NRG3: variants seen among roughly 807,000 people sequenced by gnomAD.
NRG3 encodes pro-neuregulin-3, membrane-bound isoform.
NRG3 carries 31 observed loss-of-function variants against 66.9 expected under a neutral mutation model. That is an observed-to-expected ratio of 0.46 (90% CI 0.35 to 0.63). NRG3 has a LOEUF of 0.63. Ranked by LOEUF, NRG3 falls within the 20% of genes least tolerant of loss-of-function variation. The pLI is 0.00. For missense variants in NRG3, 910 were observed against 878.9 expected, an observed-to-expected ratio of 1.04 and a Z score of -0.45; for synonymous variants, 393 against 359.4, an observed-to-expected ratio of 1.09 and a Z score of -1.06.
At chr10:82,438,213 G>C (rs2090246403) in intron 2 of NRG3, among the ~76,000 whole-genome samples, 1 of 152,218 alleles carries the variant, frequency 6.6e-6, no homozygotes, top group Admixed American at 6.5e-5. Flanking sequence ...CTCAGGCCCA[G>C]GGAGATCCAA....
At chr10:82,227,204 C>A (rs2076209292) in intron 1 of NRG3, among the ~76,000 whole-genome samples, 1 of 152,114 alleles carries the variant, frequency 6.6e-6, no homozygotes, top group African/African-American at 2.4e-5. Context: ...AGGAGCGCTT[C>A]AGTTCATCAT....
intron 2 of NRG3, among the ~76,000 whole-genome samples, chr10:82,688,762 T>C (rs754090983): frequency 3.5e-5 from 5 of 144,074 alleles, no homozygotes; most frequent in Non-Finnish European, 6.2e-5. Context: ...TCCATAGGTC[T>C]TTTTTAGAAA....
intron 7 of NRG3, among the ~76,000 whole-genome samples, chr10:82,976,934 C>T (rs1852318268): frequency 6.6e-6 from 1 of 152,142 alleles, no homozygotes; most frequent in African/African-American, 2.4e-5. Context: ...CCATAGTAGT[C>T]CTGGGGCACA....
intron 1 of NRG3, among the ~76,000 whole-genome samples, chr10:82,226,189 C>T (rs1028200450): frequency 6.6e-6 from 1 of 152,138 alleles, no homozygotes; most frequent in East Asian, 1.9e-4. Flanking sequence ...GCAATTACTC[C>T]TGGGATACTA....
chr10:82,985,035 T>G (rs1853313802), intron 8 of NRG3, 63 bp from the exon 9 acceptor site: 1 of 1,560,798 alleles, frequency 6.4e-7, no homozygotes, highest in African/African-American at 1.4e-5. Context: ...CTTTGTGGAT[T>G]GAGTATTGCT....
At chr10:82,726,597 A>G (rs2057615309) in intron 2 of NRG3, among the ~76,000 whole-genome samples, 1 of 152,132 alleles carries the variant, frequency 6.6e-6, no homozygotes. Context: ...GCCATGTGGA[A>G]CTGTAAGTCC....
chr10:82,135,363 T>C (rs148815931), intron 1 of NRG3, among the ~76,000 whole-genome samples: 1 of 152,256 alleles, frequency 6.6e-6, no homozygotes. Flanking sequence ...CTTTCTTTAA[T>C]TGACTATTGA....
At chr10:82,489,879 G>A (rs764641367) in intron 2 of NRG3, among the ~76,000 whole-genome samples, 26 of 152,100 alleles carry the variant, frequency 1.7e-4, no homozygotes, top group Non-Finnish European at 2.6e-4. Flanking sequence ...AAGATACTAC[G>A]ATATAAACCC....
intron 2 of NRG3, among the ~76,000 whole-genome samples, chr10:82,586,433 G>A (rs558677983): frequency 1.2e-4 from 18 of 152,058 alleles, no homozygotes; most frequent in Non-Finnish European, 2.2e-4. Context: ...CAGCAGGATT[G>A]GACAGCATGG....
At position 81,875,288 on chromosome 10, in the gene NRG3, C is replaced by T; in HGVS notation, c.-53C>T. 1 of 980,116 alleles carries T rather than the reference C, an allele frequency of 1.0e-6. No homozygotes were observed. Among genetic ancestry groups the T allele is most frequent in the Non-Finnish European group, 1.2e-6 (1 of 827,388 alleles). The allele number at this position is 980,116 out of a possible 1,614,324, so 60.7% of individuals were successfully genotyped here. ...GCGCCCGCGCCCGGCCCGCGCGGCC[C>T]CATGCCTCTGCCGCGGCCCTCGGGG... On this transcript the variant is annotated 5_prime_UTR_variant, in exon 1 of 9. Transcript: ENST00000372141. The surrounding 1 kb of genome is among the most constrained non-coding windows in gnomAD (Gnocchi z 5.3).
At chr10:82,802,970 G>T (rs2061112530) in intron 3 of NRG3, among the ~76,000 whole-genome samples, 1 of 152,144 alleles carries the variant, frequency 6.6e-6, no homozygotes, top group African/African-American at 2.4e-5. Flanking sequence ...ATCGCACCCA[G>T]CCTCCCTAGG....
Position 81,899,793 on chromosome 10 carries a change from G to C in NRG3, c.823+23630G>C, listed in dbSNP as rs56771040. 6.7e-3 allele frequency among the ~76,000 whole-genome samples: 1,021 copies of C among 152,208 alleles called. 10 individuals carry two copies. The highest frequency in any genetic ancestry group is 0.024 in the African/African-American group (986 of 41,516). ...CATCTTGTTGAGTAAACACTCGGGC[G>C]AAGTCTGTGGGCCTCTGATAGTTGA... On this transcript the variant is annotated intron_variant, in intron 1 of 8. Coordinates refer to ENST00000372141, the MANE Select transcript of NRG3 (RefSeq NM_001010848.4).
At chr10:82,971,082 C>T (rs1851680611) in intron 6 of NRG3, among the ~76,000 whole-genome samples, 1 of 151,946 alleles carries the variant, frequency 6.6e-6, no homozygotes, top group Non-Finnish European at 1.5e-5. Flanking sequence ...AAGAGAAAGG[C>T]GAAGGGTGCC....
chr10:82,768,439 T>A (rs552257541), intron 3 of NRG3, among the ~76,000 whole-genome samples: 1 of 152,264 alleles, frequency 6.6e-6, no homozygotes, highest in African/African-American at 2.4e-5. Context: ...CCTATTTTTT[T>A]ATACTTACAT....
At chr10:82,621,868 G>A (rs781099184) in intron 2 of NRG3, among the ~76,000 whole-genome samples, 1 of 152,170 alleles carries the variant, frequency 6.6e-6, no homozygotes, top group African/African-American at 2.4e-5. Context: ...TCAAGTGTCT[G>A]TCTTGTTTCC....
At chr10:81,882,313 G>A (rs11191678) in intron 1 of NRG3, among the ~76,000 whole-genome samples, 7,696 of 152,236 alleles carry the variant, frequency 0.051, 258 homozygotes, top group South Asian at 0.16. Flanking sequence ...GATTAAGGAA[G>A]TGATTCCTTT....
At chr10:81,970,919 T>A (rs111770814) in intron 1 of NRG3, among the ~76,000 whole-genome samples, 5,843 of 152,212 alleles carry the variant, frequency 0.038, 143 homozygotes, top group Non-Finnish European at 0.055. Context: ...GCGGCTGGAT[T>A]GCCTGATATC....
chr10:82,123,230 T>C (rs1031353655), intron 1 of NRG3, among the ~76,000 whole-genome samples: 2 of 152,164 alleles, frequency 1.3e-5, no homozygotes, highest in African/African-American at 4.8e-5. Flanking sequence ...GAGATAATTA[T>C]AATACTTGGA....
At chr10:82,378,858 G>A (rs376885453) in intron 2 of NRG3, among the ~76,000 whole-genome samples, 7 of 151,966 alleles carry the variant, frequency 4.6e-5, no homozygotes, top group African/African-American at 9.7e-5. Flanking sequence ...GGCATGAGCC[G>A]CCGCGCCTGG....
Sources: gnomAD v4.1 joint callset for allele counts (sites outside exome capture counted in the v4.1 genomes callset) on GRCh38, gnomAD v4.1.1 for gene constraint, Gnocchi (gnomAD v3.1) non-coding constraint, MANE v1.5 for transcripts, NCBI Gene and HGNC (gene_info 2026-07-23, HGNC 2026-07-21) for gene names.